DTHD1: variants seen among roughly 807,000 people sequenced by gnomAD.
DTHD1 encodes the protein death domain containing 1.
A neutral mutation model predicts 74.8 loss-of-function variants in DTHD1; 59 were observed. That is an observed-to-expected ratio of 0.79 (90% confidence interval 0.64 to 0.98). The LOEUF is 0.98. DTHD1 is among the 50% of genes least tolerant of loss of function. DTHD1 has a pLI of 0.00. For missense variants in DTHD1, 1,051 were observed against 1,065.4 expected, an observed-to-expected ratio of 0.99 and a Z score of 0.19; for synonymous variants, 365 against 371.1, an observed-to-expected ratio of 0.98 and a Z score of 0.19.
chr4:36,292,925 A>T (rs1227626394), intron 3 of DTHD1, among the ~76,000 whole-genome samples: 1 of 152,224 alleles, frequency 6.6e-6, no homozygotes, highest in Non-Finnish European at 1.5e-5. Context: ...GTCTGTATAT[A>T]TGCATTACAA....
At chr4:36,342,918 CA>C (rs55956868) in intron 9 of DTHD1, among the ~76,000 whole-genome samples, 1,336 of 96,966 alleles carry the variant, frequency 0.014, 13 homozygotes, top group African/African-American at 0.039. Context: ...ACTAAAAATA[CA>C]AAAAAAAAAA....
chr4:36,346,250 C>A lies in DTHD1; in HGVS notation c.*2426C>A, dbSNP rs954681481. Reference sequence around the variant, plus strand: ...CCTCCCCCACAGACACATGCACACACACACACGACATCTCACTTTACCGTT... The same window carrying A: ...CCTCCCCCACAGACACATGCACACAAACACACGACATCTCACTTTACCGTT... On this transcript the variant is annotated 3_prime_UTR_variant, in exon 10 of 10. Transcript: ENST00000639862. Among the ~76,000 whole-genome samples, 1 of 152,000 alleles carries A rather than the reference C, an allele frequency of 6.6e-6. No individual in the cohort carries two copies. Among genetic ancestry groups the A allele is most frequent in the African/African-American group, 2.4e-5 (1 of 41,380 alleles).
chr4:36,345,674 G>C lies in DTHD1; in HGVS notation c.*1850G>C, dbSNP rs1759552149. 6.6e-6 allele frequency: 1 copy of C among 151,914 alleles called. No individual in the cohort carries two copies. The highest frequency in any genetic ancestry group is 1.9e-4 in the East Asian group (1 of 5,166). The allele number at this position is 151,914 out of a possible 1,614,324, so 9.4% of individuals were successfully genotyped here. ...AATATGTATTTTCATGTATTCTTGG[G>C]GCAAAGAAAACAGACTAAAATGTTC... is the stretch of plus-strand genomic sequence containing the variant. On this transcript the variant is annotated 3_prime_UTR_variant, in exon 10 of 10. Transcript: ENST00000639862.
At chr4:36,322,805 A>C (rs1758116654) in intron 8 of DTHD1, among the ~76,000 whole-genome samples, 1 of 152,228 alleles carries the variant, frequency 6.6e-6, no homozygotes, top group African/African-American at 2.4e-5. Flanking sequence ...CTCCTTTCAC[A>C]AAATGTTCAA....
intron 8 of DTHD1, among the ~76,000 whole-genome samples, chr4:36,323,494 A>G (rs1416398309): frequency 1.3e-5 from 2 of 151,694 alleles, no homozygotes; most frequent in Non-Finnish European, 2.9e-5. Context: ...TTTTAATTCT[A>G]CTCAGACTTC....
At chr4:36,283,935 T>C (rs1456958429) in intron 1 of DTHD1, 41 bp from the exon 2 acceptor site, 4 of 1,384,180 alleles carry the variant, frequency 2.9e-6, no homozygotes, top group Non-Finnish European at 3.9e-6. Flanking sequence ...TTTGGTTTAG[T>C]TTTGTATTTA....
chr4:36,317,344 T>G (rs1757793129), intron 8 of DTHD1, among the ~76,000 whole-genome samples: 1 of 152,208 alleles, frequency 6.6e-6, no homozygotes, highest in South Asian at 2.1e-4. Flanking sequence ...AAAGCTGTGT[T>G]GTTCTGAATG....
chr4:36,301,888 A>G (rs1363459977), intron 5 of DTHD1, among the ~76,000 whole-genome samples: 1 of 152,106 alleles, frequency 6.6e-6, no homozygotes, highest in Admixed American at 6.5e-5. Flanking sequence ...AAAACATAGC[A>G]TAATAGAGAA....
Position 36,322,638 on chromosome 4 carries a change from A to G in DTHD1, c.2340+6152A>G, listed in dbSNP as rs142350153. On this transcript the variant is annotated intron_variant, in intron 8 of 9. Coordinates refer to ENST00000639862, the MANE Select transcript of DTHD1 (RefSeq NM_001170700.3). ...CAGTGCGCATGTGAGGGCCACAGAA[A>G]GATGATGAGGTTTGTAAGATAGTAA... 1.1e-4 allele frequency among the ~76,000 whole-genome samples: 17 copies of G among 152,296 alleles called. No individual in the cohort carries two copies. The East Asian group carries it at 3.3e-3, about 29-fold the overall frequency.
At chr4:36,339,052 G>A (rs1560821758) in intron 8 of DTHD1, 60 bp from the exon 9 acceptor site, 1 of 1,376,814 alleles carries the variant, frequency 7.3e-7, no homozygotes, top group Non-Finnish European at 1.0e-6. Flanking sequence ...AATTTTCGTT[G>A]TAGCTTATTC....
chr4:36,284,153 GA>G lies in DTHD1; in HGVS notation c.450del (p.Glu152AsnfsTer2). 3 of 1,537,234 alleles carry G rather than the reference GA, an allele frequency of 2.0e-6. No individual in the cohort carries two copies. The highest frequency in any genetic ancestry group is 1.7e-6 in the Non-Finnish European group (2 of 1,146,888). On this transcript the variant is annotated frameshift_variant, in exon 2 of 10. Coordinates refer to ENST00000639862, the MANE Select transcript of DTHD1 (RefSeq NM_001170700.3). LOFTEE classifies it high-confidence loss of function. ...ACCAAAGCAGCAGACATTGCTGCAA[GA>G]GGGGAACTAAATGTCATAGAAACAG... ...QDTKAADIAA[R>X]GELNVIETAT... is the part of the protein sequence containing the mutation.
intron 2 of DTHD1, among the ~76,000 whole-genome samples, chr4:36,285,198 A>G (rs546242822): frequency 1.3e-5 from 2 of 152,308 alleles, no homozygotes; most frequent in South Asian, 2.1e-4. Context: ...GTAGATACGA[A>G]AGTAGTTAAA....
intron 1 of DTHD1, among the ~76,000 whole-genome samples, chr4:36,282,445 A>G (rs1220714521): frequency 1.3e-5 from 2 of 152,216 alleles, no homozygotes; most frequent in African/African-American, 2.4e-5. Context: ...TTTGTTTTTT[A>G]TATCAGAATA....
In DTHD1 at chr4:36,335,399, AT is replaced by A. The variant is rs914345573; in HGVS notation, c.2341-3705del. 2.0e-4 allele frequency among the ~76,000 whole-genome samples: 31 copies of A among 151,614 alleles called. 1 individual carries two copies. Among genetic ancestry groups the A allele is most frequent in the African/African-American group, 7.3e-4 (30 of 41,318 alleles). On this transcript the variant is annotated intron_variant, in intron 8 of 9. Coordinates refer to ENST00000639862, the MANE Select transcript of DTHD1 (RefSeq NM_001170700.3). ...CCACTACACCTGGCTATTTTTTTGT[AT>A]TTTTTTTGTAGAGATGAGGTCTTGC...
chr4:36,290,707 A>G lies in DTHD1; in HGVS notation c.1218+4A>G. On this transcript the variant is annotated splice_donor_region_variant and intron_variant, in intron 3 of 9. Transcript: ENST00000639862. ...AGGAATGAAGGGAGGTTATAAGGTT[A>G]GTAAATTCTTGGCTATATCTACATT... The G allele has an allele frequency of 6.5e-7, 1 of 1,530,412 alleles. No homozygotes were observed. The highest frequency in any genetic ancestry group is 8.8e-7 in the Non-Finnish European group (1 of 1,141,976). The allele number at this position is 1,530,412 out of a possible 1,614,324, so 94.8% of individuals were successfully genotyped here.
At chr4:36,339,248 A>G in intron 9 of DTHD1, 79 bp downstream of exon 9, 5 of 1,005,934 alleles carry the variant, frequency 5.0e-6, no homozygotes, top group Non-Finnish European at 7.1e-6. Context: ...TCATTTCATA[A>G]AAAGGAATGG....
chr4:36,318,492 T>C (rs1394763036), intron 8 of DTHD1, among the ~76,000 whole-genome samples: 1 of 152,172 alleles, frequency 6.6e-6, no homozygotes, highest in Non-Finnish European at 1.5e-5. Flanking sequence ...ATGGGAAGCA[T>C]GCATAAGTAG....
intron 8 of DTHD1, among the ~76,000 whole-genome samples, chr4:36,336,328 T>C (rs758229309): frequency 5.4e-5 from 8 of 147,670 alleles, no homozygotes; most frequent in Non-Finnish European, 1.2e-4. Flanking sequence ...AAATAGAACC[T>C]AAGAAAATGT....
At chr4:36,292,768 C>T (rs544403460) in intron 3 of DTHD1, among the ~76,000 whole-genome samples, 2 of 152,178 alleles carry the variant, frequency 1.3e-5, no homozygotes, top group Non-Finnish European at 2.9e-5. Context: ...GGGCAGAGCC[C>T]GGCTGCTGAT....
Sources: gnomAD v4.1 joint callset for allele counts (sites outside exome capture counted in the v4.1 genomes callset) on GRCh38, gnomAD v4.1.1 for gene constraint, MANE v1.5 for transcripts, NCBI Gene and HGNC (gene_info 2026-07-23, HGNC 2026-07-21) for gene names.